TRIM6: variants seen among roughly 807,000 people sequenced by gnomAD.
The protein encoded by TRIM6 is tripartite motif containing 6.
A neutral mutation model predicts 51.2 loss-of-function variants in TRIM6; 43 were observed. The ratio of observed to expected loss-of-function variants is 0.84; its 90% CI spans 0.66 to 1.08. The LOEUF (loss-of-function observed/expected upper bound fraction) is 1.08. Among genes scored for constraint, TRIM6 ranks in the 50% least tolerant of loss-of-function variants. TRIM6 has a pLI of 0.00. For missense variants in TRIM6, 669 were observed against 619.0 expected (o/e 1.08, Z -0.86); for synonymous variants, 215 against 232.4 (o/e 0.93, Z 0.68).
At chr11:5,598,581 G>C (rs537359676) in intron 1 of TRIM6, among the ~76,000 whole-genome samples, 2,652 of 152,248 alleles carry the variant, frequency 0.017, 27 homozygotes, top group Non-Finnish European at 0.028. Context: ...ATTAGGACAT[G>C]TGATCAACAT....
In TRIM6 at chr11:5,603,782, C is replaced by T. The variant is rs770884824; in HGVS notation, c.507+47C>T. On this transcript the variant is annotated intron_variant, in intron 2 of 7. Transcript: ENST00000380097. The stretch of plus-strand genomic sequence containing the variant: ...GGAGACAGAGAAACAGGGTCTTTGG[C>T]AGGTTTTAACGTTTTATCATGCTCT... 3.1e-6 allele frequency: 5 copies of T among 1,594,872 alleles called. No individual in the cohort carries two copies. The African/African-American group carries it at 4.0e-5, about 13-fold the overall frequency.
intron 2 of TRIM6, 33 bp from the exon 3 acceptor site, chr11:5,604,501 T>G: frequency 6.3e-7 from 1 of 1,596,008 alleles, no homozygotes; most frequent in Non-Finnish European, 8.5e-7. Context: ...ACTGAAGGCT[T>G]GATCCTGCTT....
At chr11:5,598,169 A>G (rs1847593318) in intron 1 of TRIM6, among the ~76,000 whole-genome samples, 1 of 152,226 alleles carries the variant, frequency 6.6e-6, no homozygotes, top group East Asian at 1.9e-4. Context: ...GCCCGTCCAC[A>G]CTGCTCTGGA....
At chr11:5,598,935 T>G (rs1847647569) in intron 1 of TRIM6, among the ~76,000 whole-genome samples, 1 of 152,156 alleles carries the variant, frequency 6.6e-6, no homozygotes, top group Non-Finnish European at 1.5e-5. Context: ...TATTCACCCT[T>G]CAAATTTCCT....
At chr11:5,608,517 C>T (rs12271988) in intron 5 of TRIM6, 123 bp downstream of exon 5, 95,717 of 1,425,852 alleles carry the variant, frequency 0.067, 3,709 homozygotes, top group Middle Eastern at 0.15. Context: ...TCTTGAATCG[C>T]GCATCACATG....
At chr11:5,604,490 A>G in intron 2 of TRIM6, 44 bp from the exon 3 acceptor site, 1 of 1,587,022 alleles carries the variant, frequency 6.3e-7, no homozygotes, top group Non-Finnish European at 8.6e-7. Flanking sequence ...GTACTGAGTC[A>G]ACTGAAGGCT....
rs541789376 is a variant in TRIM6 at position 5,609,620 on chromosome 11, G to T, written c.858-525G>T. Among the ~76,000 whole-genome samples the T allele has an allele frequency of 2.0e-5, 3 of 152,196 alleles. No individual in the cohort carries two copies. The South Asian group carries it at 6.2e-4, about 32-fold the overall frequency. On this transcript the variant is annotated intron_variant, in intron 5 of 7. Transcript: ENST00000380097. The stretch of plus-strand genomic sequence containing the variant: ...AAACAACAACAGAAAAACAAAATGA[G>T]ACTTTAAGAAGTTAAATCTTGGACA...
rs368913816 is a variant in TRIM6 at position 5,611,704 on chromosome 11, C to T, written c.*362C>T. The T allele has an allele frequency of 8.6e-5, 19 of 220,420 alleles. No homozygotes were observed. Among genetic ancestry groups the T allele is most frequent in the Middle Eastern group, 3.9e-3 (2 of 510 alleles). 13.7% of individuals were successfully genotyped at this position (220,420 alleles called of 1,614,324 possible). ...CTGACCGCAAGTGATCCACCCGCCT[C>T]GGTCTCCCAAAGTGCTGGGATTACA... On this transcript the variant is annotated 3_prime_UTR_variant, in exon 8 of 8. Coordinates refer to ENST00000380097, the MANE Select transcript of TRIM6 (RefSeq NM_001003818.3).
At position 5,610,664 on chromosome 11, in the gene TRIM6, C is replaced by G. The variant is rs564458326; in HGVS notation, c.985+103C>G. 2.3e-5 allele frequency: 36 copies of G among 1,563,974 alleles called. 1 individual carries two copies. In the African/African-American group the frequency reaches 3.4e-4, roughly 15 times the overall value. ...AGATCCTAGGTGTTGATGCCTCCCC[C>G]ATCCCCGCCATATAGTTCCAGTTCC... On this transcript the variant is annotated intron_variant, in intron 7 of 7. Transcript: ENST00000380097.
chr11:5,605,264 C>A (rs1416708710), intron 3 of TRIM6, 73 bp from the exon 4 acceptor site: 147 of 1,604,810 alleles, frequency 9.2e-5, no homozygotes, highest in Non-Finnish European at 1.1e-4. Flanking sequence ...CTGAGCCCAA[C>A]TTCCCCGCTT....
At position 5,596,914 on chromosome 11, in the gene TRIM6, G is replaced by C; in HGVS notation, c.17G>C (p.Arg6Thr). 1.2e-6 allele frequency: 2 copies of C among 1,614,076 alleles called. No individual in the cohort carries two copies. The highest frequency in any genetic ancestry group is 1.3e-5 in the African/African-American group (1 of 75,016). ...ATTCCCCAGATGTGCGGGTCAGAGAGGTATGTCTACCGTTCTGTTGACTGG... is the reference window on the plus strand; with the variant it reads ...ATTCCCCAGATGTGCGGGTCAGAGACGTATGTCTACCGTTCTGTTGACTGG... Reference protein sequence around the residue: MCGSERILQAGNILEI... With the variant: MCGSETILQAGNILEI... The change falls in exon 1 of 8, where the codon AGG (arginine) becomes ACG (threonine). Residue 6 changes from arginine (R) to threonine (T), a missense_variant and splice_region_variant. Physicochemically the swap from Arg to Thr is moderately conservative, Grantham distance 71 (BLOSUM62 -1). Transcript: ENST00000380097.
At chr11:5,600,890 C>T (rs776014984) in intron 1 of TRIM6, among the ~76,000 whole-genome samples, 10 of 152,068 alleles carry the variant, frequency 6.6e-5, no homozygotes, top group Non-Finnish European at 1.3e-4. Context: ...GGTAGACAAG[C>T]AGAACAAATG....
At chr11:5,597,202 T>C (rs571788045) in intron 1 of TRIM6, among the ~76,000 whole-genome samples, 1 of 152,288 alleles carries the variant, frequency 6.6e-6, no homozygotes, top group African/African-American at 2.4e-5. Flanking sequence ...TTGACTTCTT[T>C]GAGCTTTAGT....
At chr11:5,608,547 TAAAG>T (rs1848363514) in intron 5 of TRIM6, among the ~76,000 whole-genome samples, 153 bp downstream of exon 5, 1 of 151,882 alleles carries the variant, frequency 6.6e-6, no homozygotes, top group South Asian at 2.1e-4. Context: ...CATCCCCAAA[TAAAG>T]GGGATGAACT....
chr11:5,605,064 G>A (rs1267614991), intron 3 of TRIM6: 2 of 514,032 alleles, frequency 3.9e-6, no homozygotes, highest in Admixed American at 3.2e-5. Flanking sequence ...AGAGGTGAGG[G>A]AGGCTTCCTG....
chr11:5,602,757 C>T (rs1847946810), intron 1 of TRIM6, among the ~76,000 whole-genome samples: 1 of 151,544 alleles, frequency 6.6e-6, no homozygotes, highest in African/African-American at 2.4e-5. Flanking sequence ...AGTTCAAGAC[C>T]ACCCTGGCTA....
chr11:5,598,965 A>G (rs780944423), intron 1 of TRIM6, among the ~76,000 whole-genome samples: 1 of 152,004 alleles, frequency 6.6e-6, no homozygotes, highest in Non-Finnish European at 1.5e-5. Flanking sequence ...TGCAGTTCAA[A>G]CTTTTCTCCC....
chr11:5,602,825 G>A (rs1028411935), intron 1 of TRIM6, among the ~76,000 whole-genome samples: 2 of 151,682 alleles, frequency 1.3e-5, no homozygotes, highest in Non-Finnish European at 1.5e-5. Context: ...GTTGTGGCAC[G>A]TGCCTGTAAT....
At chr11:5,604,177 CGTGTGTGTGT>C (rs138228287) in intron 2 of TRIM6, among the ~76,000 whole-genome samples, 4 of 131,372 alleles carry the variant, frequency 3.0e-5, no homozygotes, top group African/African-American at 7.7e-5. Flanking sequence ...TGTGTGTGTG[CGTGTGTGTGT>C]GTGTTTAGTA....
Sources: allele counts gnomAD v4.1 joint callset (sites outside exome capture counted in the v4.1 genomes callset), GRCh38; gene constraint gnomAD v4.1.1; transcripts MANE v1.5; gene names NCBI Gene and HGNC (gene_info 2026-07-23, HGNC 2026-07-21).